Variants in CNTNAP2 observed in about 807,000 individuals in gnomAD.
CNTNAP2 encodes the protein contactin associated protein 2, also known as contactin-associated protein-like 2.
In CNTNAP2, 98 loss-of-function variants were observed where a neutral mutation model predicts 155.2. The ratio of observed to expected loss-of-function variants is 0.63; its 90% CI spans 0.54 to 0.75. The LOEUF is 0.75. Ranked by LOEUF, CNTNAP2 falls within the 30% of genes least tolerant of loss-of-function variation. The pLI is 0.00. For missense variants in CNTNAP2, 1,727 were observed against 1,688.1 expected (o/e 1.02, Z -0.40); for synonymous variants, 651 against 631.2 (o/e 1.03, Z -0.47).
chr7:147,899,655 C>T (rs569163372), intron 13 of CNTNAP2, among the ~76,000 whole-genome samples: 1 of 152,062 alleles, frequency 6.6e-6, no homozygotes, highest in African/African-American at 2.4e-5. Context: ...GAGGCCAAGG[C>T]GGGTGGATCA....
chr7:146,354,420 T>TG (rs1371177012), intron 1 of CNTNAP2, among the ~76,000 whole-genome samples: 7 of 150,336 alleles, frequency 4.7e-5, no homozygotes, highest in African/African-American at 1.5e-4. Context: ...TATTTTTTTT[T>TG]TTTTTTTTGT....
At chr7:147,810,687 A>C (rs1167467563) in intron 13 of CNTNAP2, among the ~76,000 whole-genome samples, 1 of 152,214 alleles carries the variant, frequency 6.6e-6, no homozygotes, top group East Asian at 1.9e-4. Flanking sequence ...AGATCACTAA[A>C]ATCAAAAGTT....
chr7:147,887,069 T>A (rs1799614180), intron 13 of CNTNAP2, among the ~76,000 whole-genome samples: 1 of 152,196 alleles, frequency 6.6e-6, no homozygotes, highest in African/African-American at 2.4e-5. Context: ...TATAATAAAA[T>A]ATCACCTTGA....
intron 20 of CNTNAP2, among the ~76,000 whole-genome samples, chr7:148,265,050 A>G (rs1454503406): frequency 6.6e-6 from 1 of 152,222 alleles, no homozygotes; most frequent in Non-Finnish European, 1.5e-5. Flanking sequence ...CTCCTAAGGC[A>G]TTGCCAGGTA....
At chr7:148,300,290 T>C (rs961887908) in intron 21 of CNTNAP2, among the ~76,000 whole-genome samples, 2 of 152,182 alleles carry the variant, frequency 1.3e-5, no homozygotes, top group African/African-American at 4.8e-5. Flanking sequence ...AAGTCCTGAA[T>C]CATATTTCCT....
intron 4 of CNTNAP2, among the ~76,000 whole-genome samples, chr7:147,055,832 G>A (rs969167542): frequency 3.3e-5 from 5 of 152,134 alleles, no homozygotes; most frequent in African/African-American, 1.2e-4. Context: ...ATCCCCGAGG[G>A]AAGCAGCGTC....
At chr7:148,131,528 C>G (rs973721562) in intron 16 of CNTNAP2, among the ~76,000 whole-genome samples, 2 of 152,130 alleles carry the variant, frequency 1.3e-5, no homozygotes, top group Non-Finnish European at 2.9e-5. Flanking sequence ...AGACAACAGA[C>G]CCTCTAAGAG....
intron 8 of CNTNAP2, among the ~76,000 whole-genome samples, chr7:147,225,748 AAGGAAGGAAGGAAG>A (rs1563123619): frequency 6.5e-5 from 2 of 30,974 alleles, no homozygotes; most frequent in Non-Finnish European, 1.4e-4. Flanking sequence ...GGAAAGAAGG[AAGGAAGGAAGGAAG>A]GAAGGAAGGA....
chr7:146,973,474 A>G (rs909835599), intron 3 of CNTNAP2, among the ~76,000 whole-genome samples: 2 of 152,180 alleles, frequency 1.3e-5, no homozygotes, highest in Admixed American at 6.5e-5. Flanking sequence ...CTCCTTTGCA[A>G]TTTTATTTAG....
chr7:146,930,868 T>A (rs1209455996), intron 3 of CNTNAP2, among the ~76,000 whole-genome samples: 2 of 152,178 alleles, frequency 1.3e-5, no homozygotes, highest in Non-Finnish European at 2.9e-5. Context: ...AAGGGATTAA[T>A]TCAACAAGAA....
chr7:146,965,053 T>C lies in CNTNAP2; in HGVS notation c.403-78854T>C, dbSNP rs1050483853. 2.6e-5 allele frequency among the ~76,000 whole-genome samples: 4 copies of C among 152,280 alleles called. No individual in the cohort carries two copies. The East Asian group carries it at 7.7e-4, about 29-fold the overall frequency. On this transcript the variant is annotated intron_variant, in intron 3 of 23. Transcript: ENST00000361727. ...ATCAAAGAAGCTTATGCATAAATAC[T>C]TAAATAATAAGTAAAACTTGAAATG... is the stretch of plus-strand genomic sequence containing the variant.
chr7:146,491,912 A>G (rs1797146050), intron 1 of CNTNAP2, among the ~76,000 whole-genome samples: 1 of 152,000 alleles, frequency 6.6e-6, no homozygotes, highest in African/African-American at 2.4e-5. Flanking sequence ...AGAAAGTGAT[A>G]CCTCCCTGAA....
chr7:146,150,800 C>CATAT (rs893892337), intron 1 of CNTNAP2, among the ~76,000 whole-genome samples: 1 of 151,754 alleles, frequency 6.6e-6, no homozygotes, highest in Non-Finnish European at 1.5e-5. Context: ...TGCTTATTAC[C>CATAT]ATATATATAT....
At chr7:147,825,962 C>G (rs1046006893) in intron 13 of CNTNAP2, among the ~76,000 whole-genome samples, 8 of 152,090 alleles carry the variant, frequency 5.3e-5, no homozygotes. Context: ...ACTTCGGTTC[C>G]TTGGTTTTTG....
chr7:147,832,006 G>A (rs994376359), intron 13 of CNTNAP2: 1 of 151,422 alleles, frequency 6.6e-6, no homozygotes, highest in Non-Finnish European at 1.5e-5. Flanking sequence ...ATGTACCCAC[G>A]ACATTAAAAA....
chr7:147,597,338 C>T (rs764246967), intron 12 of CNTNAP2, among the ~76,000 whole-genome samples: 3 of 152,108 alleles, frequency 2.0e-5, no homozygotes, highest in Admixed American at 6.6e-5. Flanking sequence ...CCAGCCTTAT[C>T]CTCCATCACT....
At chr7:146,679,359 T>TTC (rs2129169557) in intron 1 of CNTNAP2, among the ~76,000 whole-genome samples, 1 of 145,664 alleles carries the variant, frequency 6.9e-6, no homozygotes, top group East Asian at 2.0e-4. Flanking sequence ...TTTTTTTTTT[T>TTC]TTTTTTTTGG....
At chr7:147,752,534 T>A (rs1797152479) in intron 13 of CNTNAP2, among the ~76,000 whole-genome samples, 2 of 152,198 alleles carry the variant, frequency 1.3e-5, no homozygotes, top group African/African-American at 4.8e-5. Context: ...GGAAGGGGCC[T>A]TTGATAATTG....
At chr7:147,461,008 C>A (rs1037815932) in intron 10 of CNTNAP2, among the ~76,000 whole-genome samples, 6 of 152,038 alleles carry the variant, frequency 3.9e-5, no homozygotes, top group African/African-American at 1.4e-4. Flanking sequence ...TTTGAGTTAA[C>A]CTCAATCATG....
Sources: allele counts gnomAD v4.1 joint callset (sites outside exome capture counted in the v4.1 genomes callset), GRCh38; gene constraint gnomAD v4.1.1; transcripts MANE v1.5; gene names NCBI Gene and HGNC (gene_info 2026-07-23, HGNC 2026-07-21).